The following RAG1 variants were observed in gnomAD, a reference collection of about 807,000 sequenced individuals.
The protein encoded by RAG1 is recombination activating 1.
Under a neutral mutation model 62.7 loss-of-function variants are expected in RAG1, and 35 were observed. The observed-to-expected ratio is 0.56, with a 90% CI of 0.43 to 0.74. The LOEUF (loss-of-function observed/expected upper bound fraction) is 0.74. Ranked by LOEUF, RAG1 falls within the 30% of genes least tolerant of loss-of-function variation. The pLI is 0.00. For missense variants in RAG1, 1,169 were observed against 1,278.6 expected, an observed-to-expected ratio of 0.91 and a Z score of 1.31; for synonymous variants, 461 against 470.3, an observed-to-expected ratio of 0.98 and a Z score of 0.26.
intron 2 of RAG1, among the ~76,000 whole-genome samples, chr11:36,526,470 C>G (rs745996237): frequency 6.6e-6 from 1 of 152,078 alleles, no homozygotes; most frequent in Non-Finnish European, 1.5e-5. Context: ...TTTTCTTTAT[C>G]CAGTCTATCA....
chr11:36,525,509 A>G (rs908883133), intron 2 of RAG1, among the ~76,000 whole-genome samples: 8 of 152,160 alleles, frequency 5.3e-5, no homozygotes, highest in African/African-American at 1.7e-4. Flanking sequence ...CTATATATGA[A>G]TATTTCAGTC....
chr11:36,573,782 C>T lies in RAG1; in HGVS notation c.478C>T (p.Arg160Trp), dbSNP rs542536171. The change falls in exon 2 of 2, where the codon CGG (arginine) becomes TGG (tryptophan). Residue 160 changes from arginine (R) to tryptophan (W), a missense_variant. This residue lies in a region of RAG1 where 369 missense variants were observed against 335.3 expected (regional missense o/e 1.10). Transcript: ENST00000299440. ...GCCGGACCTCATTGCCAAGGTTTTCCGGATCGATGTGAAGGCAGATGTTGA... is the reference window on the plus strand; with the variant it reads ...GCCGGACCTCATTGCCAAGGTTTTCTGGATCGATGTGAAGGCAGATGTTGA... ...SWPDLIAKVFRIDVKADVDSI... is the reference protein window; with the variant it reads ...SWPDLIAKVFWIDVKADVDSI... 15 of 1,614,034 alleles carry T rather than the reference C, an allele frequency of 9.3e-6. No individual in the cohort carries two copies. The highest frequency in any genetic ancestry group is 3.3e-5 in the South Asian group (3 of 91,068).
At chr11:36,535,765 AAAAT>A (rs1263996992) in intron 2 of RAG1, among the ~76,000 whole-genome samples, 75 of 152,100 alleles carry the variant, frequency 4.9e-4, no homozygotes, top group Middle Eastern at 3.4e-3. Context: ...ATAAATAAAT[AAAAT>A]AAATAAATAG....
At chr11:36,536,659 G>A (rs1308666461), downstream of RAG1, among the ~76,000 whole-genome samples, 1 of 151,426 alleles carries the variant, frequency 6.6e-6, no homozygotes, top group East Asian at 1.9e-4. Flanking sequence ...GCATAGGTAG[G>A]TGAAAGGATG....
chr11:36,575,224 T>C lies in RAG1; in HGVS notation c.1920T>C (p.Asn640=), dbSNP rs1850824621. 2 of 1,614,188 alleles carry C rather than the reference T, an allele frequency of 1.2e-6. No homozygotes were observed. Among genetic ancestry groups the C allele is most frequent in the Non-Finnish European group, 8.5e-7 (1 of 1,180,024 alleles). Residue 640 remains asparagine (N), a synonymous_variant, in exon 2 of 2, where the codon AAT becomes AAC. Transcript: ENST00000299440. This position sits in a 1 kb window ranked among gnomAD's most constrained non-coding sequence, Gnocchi z 4.1. ...TTACTATTGCCCACAGCTCTCAGAA[T>C]GTGAAAGTATTTGAAGAAGCCAAAC... The part of the protein sequence containing the change: ...MKITIAHSSQ[N]VKVFEEAKPN...
chr11:36,560,173 G>C lies in RAG1; in HGVS notation c.-411-3212G>C, dbSNP rs116940825. ...AGAGACAGTGATGTGGCTTTGCTGGGGTTGGGGAATGATAGGTGGACTGGT... is the reference window on the plus strand; with the variant it reads ...AGAGACAGTGATGTGGCTTTGCTGGCGTTGGGGAATGATAGGTGGACTGGT... On this transcript the variant is annotated intron_variant and NMD_transcript_variant, in intron 3 of 9. Transcript: ENST00000534663. Among the ~76,000 whole-genome samples the C allele has an allele frequency of 1.9e-4, 29 of 152,284 alleles. No individual in the cohort carries two copies. The East Asian group carries it at 5.6e-3, about 29-fold the overall frequency.
intron 2 of RAG1, among the ~76,000 whole-genome samples, chr11:36,529,406 CA>C (rs36177253): frequency 1.3e-3 from 191 of 152,274 alleles, no homozygotes; most frequent in Non-Finnish European, 2.2e-3. Context: ...ATGATTATGT[CA>C]ATAGGTATAG....
chr11:36,562,543 A>C (rs1317381133), intron 3 of RAG1, among the ~76,000 whole-genome samples: 1 of 152,184 alleles, frequency 6.6e-6, no homozygotes, highest in East Asian at 1.9e-4. Flanking sequence ...CCAGTACCCC[A>C]CACCACAGCT....
intron 3 of RAG1, among the ~76,000 whole-genome samples, chr11:36,559,270 C>A (rs1453732436): frequency 2.0e-5 from 3 of 152,082 alleles, no homozygotes; most frequent in Non-Finnish European, 4.4e-5. Flanking sequence ...GCTGTTTTTA[C>A]ACTTCTCTCT....
At chr11:36,523,673 G>T (rs1342200895) in intron 2 of RAG1, among the ~76,000 whole-genome samples, 1 of 152,084 alleles carries the variant, frequency 6.6e-6, no homozygotes, top group Admixed American at 6.5e-5. Context: ...TGGATGTTTG[G>T]CTTGGGCTTC....
intron 2 of RAG1, among the ~76,000 whole-genome samples, chr11:36,521,945 G>A (rs915748155): frequency 4.6e-5 from 7 of 152,148 alleles, no homozygotes; most frequent in Admixed American, 3.3e-4. Context: ...GGTATCTGGT[G>A]GAAGAAATTT....
At chr11:36,562,498 G>A (rs1850604063) in intron 3 of RAG1, among the ~76,000 whole-genome samples, 1 of 152,172 alleles carries the variant, frequency 6.6e-6, no homozygotes, top group Admixed American at 6.5e-5. Context: ...AGAATTTAAA[G>A]CAATGTTACG....
At chr11:36,519,157 A>AT (rs113578374) in intron 1 of RAG1, among the ~76,000 whole-genome samples, 18,698 of 151,440 alleles carry the variant, frequency 0.12, 1,251 homozygotes, top group South Asian at 0.15. Context: ...GACCATTTAC[A>AT]TTTTTTTTTG....
chr11:36,551,420 T>G lies in RAG1; in HGVS notation c.-411-11965T>G, dbSNP rs537258634. On this transcript the variant is annotated intron_variant and NMD_transcript_variant, in intron 3 of 9. Transcript: ENST00000534663. ...ATTTTGGAGGCTAGAAGTTTGAGAT[T>G]AAGGTGTTAGTGGAATTGGTTTCTC... Among the ~76,000 whole-genome samples the G allele has an allele frequency of 1.1e-3, 161 of 152,060 alleles. 1 individual carries two copies. The highest frequency in any genetic ancestry group is 3.8e-3 in the African/African-American group (157 of 41,506).
intron 3 of RAG1, among the ~76,000 whole-genome samples, chr11:36,543,007 A>G (rs557669783): frequency 3.9e-5 from 6 of 152,190 alleles, no homozygotes; most frequent in Non-Finnish European, 8.8e-5. Context: ...AAATTAATCT[A>G]ATCAGTGCCT....
downstream of RAG1, among the ~76,000 whole-genome samples, chr11:36,540,158 G>A (rs984713918): frequency 1.3e-5 from 2 of 152,138 alleles, no homozygotes; most frequent in Non-Finnish European, 2.9e-5. Flanking sequence ...AAGCCGGGGG[G>A]AGAAGCAGTC....
In RAG1 at chr11:36,576,093, G is replaced by T; in HGVS notation, c.2789G>T (p.Arg930Met). The T allele has an allele frequency of 6.2e-7, 1 of 1,613,978 alleles. No individual in the cohort carries two copies. The highest frequency in any genetic ancestry group is 1.1e-5 in the South Asian group (1 of 91,072). ...AELLSTKFKY[R>M]YEGKITNYFH... ...CTCCTTTCTACGAAGTTCAAGTATA[G>T]GTATGAGGGAAAAATCACCAATTAT... Residue 930 changes from arginine to methionine, a missense_variant, in exon 2 of 2, where the codon AGG (arginine) becomes ATG (methionine). Physicochemically the swap from Arg to Met is moderately conservative, Grantham distance 91. This residue lies in a region of RAG1 where 800 missense variants were observed against 943.3 expected (regional missense o/e 0.85). Transcript: ENST00000299440.
At chr11:36,512,203 G>A (rs5030411) in intron 1 of RAG1, among the ~76,000 whole-genome samples, 75,281 of 152,032 alleles carry the variant, frequency 0.5, 21,497 homozygotes, top group East Asian at 0.72. Context: ...GAGCTATGAC[G>A]AGAAGGATGC....
intron 2 of RAG1, among the ~76,000 whole-genome samples, chr11:36,525,435 C>A (rs1860145539): frequency 6.6e-6 from 1 of 152,000 alleles, no homozygotes; most frequent in Non-Finnish European, 1.5e-5. Flanking sequence ...ACAATTCTTG[C>A]CAGTATTTTG....
Sources: gnomAD v4.1 joint callset for allele counts (sites outside exome capture counted in the v4.1 genomes callset) on GRCh38, gnomAD v4.1.1 for gene constraint, gnomAD v4.1.1 regional missense constraint, Gnocchi (gnomAD v3.1) non-coding constraint, MANE v1.5 for transcripts, NCBI Gene and HGNC (gene_info 2026-07-23, HGNC 2026-07-21) for gene names.